AGBL4: variants seen among roughly 807,000 people sequenced by gnomAD.
AGBL4 encodes the protein AGBL carboxypeptidase 4, also known as cytosolic carboxypeptidase 6.
In AGBL4, 58 loss-of-function variants were observed where a neutral mutation model predicts 66.4. That is an observed-to-expected ratio of 0.87 (90% CI 0.71 to 1.09). AGBL4 has a LOEUF of 1.09. Ranked by LOEUF, AGBL4 falls within the 50% of genes least tolerant of loss-of-function variation. The pLI is 0.00. For synonymous variants in AGBL4, 234 were observed against 222.9 expected, an observed-to-expected ratio of 1.05 and a Z score of -0.44; for missense variants, 579 against 631.0, an observed-to-expected ratio of 0.92 and a Z score of 0.88.
At chr1:49,370,154 T>C (rs1644313104) in intron 3 of AGBL4, among the ~76,000 whole-genome samples, 1 of 147,418 alleles carries the variant, frequency 6.8e-6, no homozygotes, top group Admixed American at 6.8e-5. Context: ...ATTATATATA[T>C]ATTATATATA....
chr1:48,742,583 A>C, intron 6 of AGBL4: 2 of 1,466,748 alleles, frequency 1.4e-6, no homozygotes, highest in African/African-American at 1.4e-5. Flanking sequence ...TCTGACTAAC[A>C]AACACTTGCA....
chr1:49,814,770 C>A (rs1645190992), intron 2 of AGBL4, among the ~76,000 whole-genome samples: 1 of 152,078 alleles, frequency 6.6e-6, no homozygotes, highest in African/African-American at 2.4e-5. Flanking sequence ...AGGTCTAGTG[C>A]TACCAAGATA....
At chr1:48,762,591 G>A (rs1644316747) in intron 6 of AGBL4, among the ~76,000 whole-genome samples, 1 of 150,040 alleles carries the variant, frequency 6.7e-6, no homozygotes, top group African/African-American at 2.5e-5. Context: ...CAGGTAGTTA[G>A]TTAAATCCAG....
intron 1 of AGBL4, among the ~76,000 whole-genome samples, chr1:49,925,822 C>T (rs1652710995): frequency 6.6e-6 from 1 of 152,166 alleles, no homozygotes; most frequent in African/African-American, 2.4e-5. Context: ...GTGGGAAGAA[C>T]TTTGTCTTGT....
intron 6 of AGBL4, among the ~76,000 whole-genome samples, chr1:48,739,734 C>G (rs1432320098): frequency 6.6e-6 from 1 of 152,246 alleles, no homozygotes; most frequent in Non-Finnish European, 1.5e-5. Context: ...GACACAGCAA[C>G]TGTTACATCC....
At chr1:49,535,543 G>A (rs556012220) in intron 3 of AGBL4, among the ~76,000 whole-genome samples, 1 of 151,522 alleles carries the variant, frequency 6.6e-6, no homozygotes, top group South Asian at 2.1e-4. Context: ...AAAATCTACA[G>A]AAAAGAGAAT....
intron 3 of AGBL4, among the ~76,000 whole-genome samples, chr1:49,541,734 A>T (rs1438067486): frequency 1.3e-5 from 2 of 152,150 alleles, no homozygotes; most frequent in Admixed American, 6.5e-5. Flanking sequence ...GGGCAGCTCC[A>T]CCTGTGGCCC....
chr1:49,215,423 CCT>C (rs904365664), intron 4 of AGBL4, among the ~76,000 whole-genome samples: 5 of 151,980 alleles, frequency 3.3e-5, no homozygotes, highest in African/African-American at 1.2e-4. Flanking sequence ...TGGTAAACAG[CCT>C]CTGTTTTTTT....
chr1:48,945,728 C>T (rs1164054691), intron 5 of AGBL4, among the ~76,000 whole-genome samples: 2 of 152,070 alleles, frequency 1.3e-5, no homozygotes, highest in African/African-American at 2.4e-5. Flanking sequence ...CACACAGACC[C>T]TTATTTACTG....
intron 3 of AGBL4, among the ~76,000 whole-genome samples, chr1:49,490,164 T>A (rs1193373356): frequency 6.6e-6 from 1 of 151,812 alleles, no homozygotes; most frequent in Non-Finnish European, 1.5e-5. Flanking sequence ...GTGGTTTTAA[T>A]AGGCAATCAT....
intron 2 of AGBL4, chr1:49,845,185 T>G: frequency 7.0e-7 from 1 of 1,431,552 alleles, no homozygotes; most frequent in Non-Finnish European, 9.8e-7. Context: ...AGGAAAAGTC[T>G]TCCGAAACAG....
At chr1:49,137,580 A>T (rs1407494251) in intron 4 of AGBL4, among the ~76,000 whole-genome samples, 1 of 152,170 alleles carries the variant, frequency 6.6e-6, no homozygotes, top group Middle Eastern at 3.2e-3. Flanking sequence ...CTGCCAATAA[A>T]TCAAGAACCC....
chr1:49,446,151 C>CAT (rs2148675383), intron 3 of AGBL4, among the ~76,000 whole-genome samples: 1 of 152,202 alleles, frequency 6.6e-6, no homozygotes, highest in East Asian at 1.9e-4. Flanking sequence ...ATGCCCAGCC[C>CAT]ATATTTTACA....
At chr1:49,496,762 A>G (rs1647621485) in intron 3 of AGBL4, among the ~76,000 whole-genome samples, 3 of 151,948 alleles carry the variant, frequency 2.0e-5, no homozygotes, top group Admixed American at 2.0e-4. Flanking sequence ...TTCTTTATTC[A>G]TTCATCGGCT....
intron 4 of AGBL4, among the ~76,000 whole-genome samples, chr1:49,155,051 A>G (rs184313926): frequency 6.6e-6 from 1 of 152,306 alleles, no homozygotes; most frequent in African/African-American, 2.4e-5. Flanking sequence ...TTCTTCACAG[A>G]TATTTTTCTT....
At chr1:49,797,150 T>G (rs979473188) in intron 2 of AGBL4, among the ~76,000 whole-genome samples, 12 of 152,166 alleles carry the variant, frequency 7.9e-5, no homozygotes, top group Non-Finnish European at 1.5e-4. Context: ...AATAACGATA[T>G]TAGTAAATCC....
chr1:49,371,693 T>C (rs1190085450), intron 3 of AGBL4, among the ~76,000 whole-genome samples: 2 of 152,140 alleles, frequency 1.3e-5, no homozygotes, highest in African/African-American at 4.8e-5. Context: ...CCGTATATGT[T>C]ATAAAATTCT....
intron 3 of AGBL4, among the ~76,000 whole-genome samples, chr1:49,255,085 T>C (rs574266523): frequency 6.6e-6 from 1 of 152,256 alleles, no homozygotes; most frequent in South Asian, 2.1e-4. Context: ...GGTAATACCA[T>C]TCAGGACATA....
At chr1:49,269,889 T>C (rs970215022) in intron 3 of AGBL4, among the ~76,000 whole-genome samples, 1 of 152,184 alleles carries the variant, frequency 6.6e-6, no homozygotes, top group African/African-American at 2.4e-5. Context: ...AGTTTTCCTT[T>C]AATCCCTACA....
Sources: gnomAD v4.1 joint callset for allele counts (sites outside exome capture counted in the v4.1 genomes callset) on GRCh38, gnomAD v4.1.1 for gene constraint, MANE v1.5 for transcripts, NCBI Gene and HGNC (gene_info 2026-07-23, HGNC 2026-07-21) for gene names.